The following ADGRA3 variants were observed in gnomAD, a reference collection of about 807,000 sequenced individuals.
ADGRA3 encodes the protein G-protein coupled receptor 125.
A neutral mutation model predicts 119.8 loss-of-function variants in ADGRA3; 56 were observed. The ratio of observed to expected loss-of-function variants is 0.47; its 90% CI spans 0.38 to 0.58. The LOEUF (loss-of-function observed/expected upper bound fraction) is 0.58, where lower values mean the gene tolerates loss of function less well. Ranked by LOEUF, ADGRA3 falls within the 20% of genes least tolerant of loss-of-function variation. The pLI, the probability that ADGRA3 is intolerant of heterozygous loss-of-function variation, is 0.00. For synonymous variants in ADGRA3, 607 were observed against 623.8 expected (o/e 0.97, Z 0.40); for missense variants, 1,516 against 1,649.0 (o/e 0.92, Z 1.40).
intron 6 of ADGRA3, among the ~76,000 whole-genome samples, chr4:22,444,411 G>A (rs544019506): frequency 7.4e-4 from 112 of 151,996 alleles, no homozygotes; most frequent in Middle Eastern, 3.4e-3. Context: ...TCAGCCTCTC[G>A]AGTAGCTGAA....
At chr4:22,423,691 G>A (rs1715808468) in intron 11 of ADGRA3, among the ~76,000 whole-genome samples, 1 of 152,138 alleles carries the variant, frequency 6.6e-6, no homozygotes, top group Non-Finnish European at 1.5e-5. Context: ...GTGTTGGAAG[G>A]CATCCCAGTT....
chr4:22,513,836 G>C (rs1284236141), intron 1 of ADGRA3, among the ~76,000 whole-genome samples: 4 of 76,076 alleles, frequency 5.3e-5, no homozygotes, highest in Non-Finnish European at 9.0e-5. Context: ...CATCTAAAAA[G>C]CTTTCAGGCA....
chr4:22,497,396 G>T (rs73114174), intron 1 of ADGRA3, among the ~76,000 whole-genome samples: 16,604 of 152,100 alleles, frequency 0.11, 1,024 homozygotes, highest in East Asian at 0.23. Flanking sequence ...ACACCCTGCA[G>T]GTTCACCTGG....
chr4:22,504,442 G>A (rs1719165748), intron 1 of ADGRA3, among the ~76,000 whole-genome samples: 1 of 152,056 alleles, frequency 6.6e-6, no homozygotes, highest in African/African-American at 2.4e-5. Flanking sequence ...GTCAATAGCA[G>A]GCCCTCAAAT....
chr4:22,473,834 A>G lies in ADGRA3; in HGVS notation c.267T>C (p.Ser89=), dbSNP rs760866075. ...TCTTCAGCTCGGATATCTTATTGTT[A>G]CTCAGAATCCTAAAAAATACCAAAA... is the stretch of plus-strand genomic sequence containing the variant. ...LPNRTVTLIL[S]NNKISELKNG... is the part of the protein sequence containing the mutation. The change falls in exon 2 of 19, where the codon AGT becomes AGC. Residue 89 remains serine, a synonymous_variant. Transcript: ENST00000334304. The G allele has an allele frequency of 6.2e-7, 1 of 1,602,202 alleles. No individual in the cohort carries two copies. The highest frequency in any genetic ancestry group is 2.2e-5 in the East Asian group (1 of 44,640).
chr4:22,409,043 G>A (rs992773129), intron 14 of ADGRA3, among the ~76,000 whole-genome samples: 1 of 152,134 alleles, frequency 6.6e-6, no homozygotes, highest in African/African-American at 2.4e-5. Context: ...CTAAAAACAG[G>A]CCAAACCTAT....
In ADGRA3 at chr4:22,388,439, T is replaced by TG. The variant is rs753412203; in HGVS notation, c.3231dup (p.Asn1078GlnfsTer3). 6.2e-7 allele frequency: 1 copy of TG among 1,614,022 alleles called. No individual in the cohort carries two copies. Among genetic ancestry groups the TG allele is most frequent in the Non-Finnish European group, 8.5e-7 (1 of 1,179,988 alleles). On this transcript the variant is annotated frameshift_variant, in exon 19 of 19. Coordinates refer to ENST00000334304, the MANE Select transcript of ADGRA3 (RefSeq NM_145290.4). LOFTEE classifies it high-confidence loss of function. ...GCCTCTCCATTCGTCCCATTAGAGT[T>TG]GGGGGGCTGGACGTTGACTTGCACT... is the stretch of plus-strand genomic sequence containing the variant.
At chr4:22,415,758 T>C (rs1715401033) in intron 12 of ADGRA3, among the ~76,000 whole-genome samples, 1 of 151,822 alleles carries the variant, frequency 6.6e-6, no homozygotes, top group African/African-American at 2.4e-5. Flanking sequence ...TAAAAGAAAG[T>C]TAAAATAGGG....
chr4:22,470,143 G>A (rs991191805), intron 2 of ADGRA3, among the ~76,000 whole-genome samples: 1 of 151,996 alleles, frequency 6.6e-6, no homozygotes, highest in Non-Finnish European at 1.5e-5. Context: ...ATCTTTTTAC[G>A]ATTTTAATTA....
intron 16 of ADGRA3, among the ~76,000 whole-genome samples, chr4:22,399,549 A>G (rs1184105208): frequency 1.3e-5 from 2 of 151,182 alleles, no homozygotes; most frequent in African/African-American, 4.9e-5. Flanking sequence ...TCTTTTTTCA[A>G]ATGGATTTTC....
At chr4:22,397,964 T>A in intron 16 of ADGRA3, 1 of 469,386 alleles carries the variant, frequency 2.1e-6, no homozygotes, top group Non-Finnish European at 2.8e-6. Context: ...GAACAGAATC[T>A]CCGAAACAGT....
At chr4:22,508,092 G>A (rs1577391026) in intron 1 of ADGRA3, among the ~76,000 whole-genome samples, 1 of 152,154 alleles carries the variant, frequency 6.6e-6, no homozygotes, top group East Asian at 1.9e-4. Context: ...TACTCGAGGC[G>A]CTGTGCGAAG....
At chr4:22,503,377 AT>A (rs1226903003) in intron 1 of ADGRA3, among the ~76,000 whole-genome samples, 1 of 152,236 alleles carries the variant, frequency 6.6e-6, no homozygotes, top group African/African-American at 2.4e-5. Flanking sequence ...GAATTGCACA[AT>A]AAAACAAAGA....
chr4:22,452,537 T>C (rs888826747), intron 4 of ADGRA3, among the ~76,000 whole-genome samples: 19 of 152,338 alleles, frequency 1.2e-4, no homozygotes, highest in African/African-American at 4.3e-4. Context: ...ATGATGTTCA[T>C]TGTGTTCCAT....
At chr4:22,496,053 T>C (rs974492461) in intron 1 of ADGRA3, among the ~76,000 whole-genome samples, 4 of 152,214 alleles carry the variant, frequency 2.6e-5, no homozygotes, top group African/African-American at 9.6e-5. Flanking sequence ...AAAGATATTA[T>C]ATATTCCATT....
At position 22,392,573 on chromosome 4, in the gene ADGRA3, G is replaced by C; in HGVS notation, c.2599C>G (p.Pro867Ala). Reference sequence around the variant, plus strand: ...AGCATTGGTCTTGGTGGAGGTGGTGGTTCATCAGGATCCTGGCATCTTTTA... The same window carrying C: ...AGCATTGGTCTTGGTGGAGGTGGTGCTTCATCAGGATCCTGGCATCTTTTA... ...KAKRCQDPDE[P>A]PPPPRPMLRF... Residue 867 changes from proline (P) to alanine (A), a missense_variant, in exon 17 of 19, where the codon CCA (proline) becomes GCA (alanine). By Grantham distance (27) the Pro-to-Ala change is conservative. This residue lies in a region of ADGRA3 where 1,088 missense variants were observed against 1,107.1 expected (regional missense o/e 0.98). Coordinates refer to ENST00000334304, the MANE Select transcript of ADGRA3 (RefSeq NM_145290.4). The C allele has an allele frequency of 6.2e-7, 1 of 1,613,954 alleles. No homozygotes were observed. Among genetic ancestry groups the C allele is most frequent in the Non-Finnish European group, 8.5e-7 (1 of 1,179,884 alleles).
chr4:22,445,016 C>T lies in ADGRA3; in HGVS notation c.663G>A (p.Gln221=). ...DTRCVYPKSL[Q]AQPVTGVKQE... is the part of the protein sequence containing the mutation. ...GCTTCACGCCTGTGACTGGTTGGGC[C>T]TGCAGTGACTTAGGATAAACACACC... The change falls in exon 6 of 19, where the codon CAG becomes CAA. Residue 221 remains glutamine, a synonymous_variant. Transcript: ENST00000334304. 6.2e-7 allele frequency: 1 copy of T among 1,613,790 alleles called. No homozygotes were observed. Among genetic ancestry groups the T allele is most frequent in the Non-Finnish European group, 8.5e-7 (1 of 1,179,932 alleles).
intron 1 of ADGRA3, among the ~76,000 whole-genome samples, chr4:22,474,775 T>C (rs542352445): frequency 1.3e-5 from 2 of 152,174 alleles, no homozygotes; most frequent in Non-Finnish European, 2.9e-5. Context: ...ACACTAATGT[T>C]GGTCACGAGG....
At chr4:22,502,913 A>AGG (rs1719100730) in intron 1 of ADGRA3, among the ~76,000 whole-genome samples, 3 of 137,624 alleles carry the variant, frequency 2.2e-5, no homozygotes, top group African/African-American at 8.1e-5. Context: ...AAAAAAAAAA[A>AGG]CAGTAAGAAA....
Sources: gnomAD v4.1 joint callset for allele counts (sites outside exome capture counted in the v4.1 genomes callset) on GRCh38, gnomAD v4.1.1 for gene constraint, gnomAD v4.1.1 regional missense constraint, MANE v1.5 for transcripts, NCBI Gene and HGNC (gene_info 2026-07-23, HGNC 2026-07-21) for gene names.